The following LRBA variants were observed in gnomAD, a reference collection of about 807,000 sequenced individuals.
LRBA encodes LPS responsive beige-like anchor protein.
In LRBA, 176 loss-of-function variants were observed where a neutral mutation model predicts 330.0. The observed-to-expected ratio is 0.53, with a 90% CI of 0.47 to 0.60. The LOEUF is 0.60. Ranked by LOEUF, LRBA falls within the 20% of genes least tolerant of loss-of-function variation. The pLI, the probability that LRBA is intolerant of heterozygous loss-of-function variation, is 0.00. For missense variants in LRBA, 3,259 were observed against 3,444.8 expected, an observed-to-expected ratio of 0.95 and a Z score of 1.35; for synonymous variants, 1,230 against 1,193.0, an observed-to-expected ratio of 1.03 and a Z score of -0.64.
At position 150,357,903 on chromosome 4, in the gene LRBA, T is replaced by C. The variant is rs76484917; in HGVS notation, c.7195-7744A>G. Reference sequence around the variant, plus strand: ...TAACAAATCTATATATGCTGAGCCATGTATTTGCTGCTAAGCTTTCTAGCA... The same window carrying C: ...TAACAAATCTATATATGCTGAGCCACGTATTTGCTGCTAAGCTTTCTAGCA... On this transcript the variant is annotated intron_variant, in intron 47 of 56. Coordinates refer to ENST00000651943, the MANE Select transcript of LRBA (RefSeq NM_001364905.1). Among the ~76,000 whole-genome samples, 615 of 152,258 alleles carry C rather than the reference T, an allele frequency of 4.0e-3. 3 individuals carry two copies. The highest frequency in any genetic ancestry group is 0.013 in the African/African-American group (552 of 41,570).
chr4:150,839,366 G>A (rs1433554969), intron 28 of LRBA, among the ~76,000 whole-genome samples: 3 of 152,092 alleles, frequency 2.0e-5, no homozygotes, highest in East Asian at 1.9e-4. Context: ...ATACCATTTG[G>A]CCCAGCCATC....
At chr4:150,516,136 A>C (rs1427971109) in intron 40 of LRBA, among the ~76,000 whole-genome samples, 3 of 151,824 alleles carry the variant, frequency 2.0e-5, no homozygotes, top group African/African-American at 7.2e-5. Context: ...TTCTACCTTA[A>C]ACAATATGCA....
At chr4:150,355,597 C>T (rs972553067) in intron 47 of LRBA, among the ~76,000 whole-genome samples, 1 of 152,050 alleles carries the variant, frequency 6.6e-6, no homozygotes, top group Non-Finnish European at 1.5e-5. Flanking sequence ...ACTACTTCCA[C>T]TCCCAGGCTT....
chr4:150,652,550 A>C (rs1485266154), intron 37 of LRBA, among the ~76,000 whole-genome samples: 1 of 152,178 alleles, frequency 6.6e-6, no homozygotes, highest in Non-Finnish European at 1.5e-5. Context: ...TCACATATAC[A>C]TTTTAAAGTT....
intron 48 of LRBA, among the ~76,000 whole-genome samples, chr4:150,342,378 C>T (rs1036993891): frequency 6.6e-6 from 1 of 151,758 alleles, no homozygotes; most frequent in Non-Finnish European, 1.5e-5. Context: ...TGCCAAAATA[C>T]AGAGAAATAA....
chr4:150,477,351 G>A (rs945391715), intron 42 of LRBA, among the ~76,000 whole-genome samples: 4 of 152,122 alleles, frequency 2.6e-5, no homozygotes, highest in African/African-American at 9.7e-5. Flanking sequence ...AAGAAAAGAA[G>A]TTTAATTGAC....
chr4:150,720,886 G>A, intron 36 of LRBA: 1 of 329,536 alleles, frequency 3.0e-6, no homozygotes, highest in East Asian at 8.5e-5. Flanking sequence ...TCCTCTGAAA[G>A]CAACATTCAA....
chr4:150,445,436 T>C (rs1752511070), intron 44 of LRBA, among the ~76,000 whole-genome samples: 1 of 148,332 alleles, frequency 6.7e-6, no homozygotes, highest in African/African-American at 2.5e-5. Flanking sequence ...CACATATATA[T>C]ATGTTGTTTT....
intron 28 of LRBA, among the ~76,000 whole-genome samples, chr4:150,833,648 T>C (rs763528998): frequency 3.3e-5 from 5 of 152,240 alleles, no homozygotes; most frequent in Non-Finnish European, 5.9e-5. Context: ...AACAATTATC[T>C]GAACTTTCAG....
intron 40 of LRBA, among the ~76,000 whole-genome samples, chr4:150,532,380 T>G (rs946088781): frequency 3.3e-5 from 5 of 152,152 alleles, no homozygotes; most frequent in African/African-American, 1.2e-4. Flanking sequence ...CAACTAAAAT[T>G]AAGTGTTTCT....
intron 31 of LRBA, among the ~76,000 whole-genome samples, chr4:150,814,169 G>A (rs547813124): frequency 1.3e-5 from 2 of 152,036 alleles, no homozygotes; most frequent in Admixed American, 6.6e-5. Context: ...TGTTAAGATG[G>A]AACCATCTAT....
chr4:150,716,259 C>A (rs1435165628), intron 36 of LRBA, among the ~76,000 whole-genome samples: 2 of 152,068 alleles, frequency 1.3e-5, no homozygotes, highest in East Asian at 3.9e-4. Context: ...CCAACCTGGC[C>A]AAGATGGTGA....
chr4:150,632,894 T>A (rs1223449015), intron 37 of LRBA, among the ~76,000 whole-genome samples: 1 of 152,240 alleles, frequency 6.6e-6, no homozygotes, highest in African/African-American at 2.4e-5. Flanking sequence ...GTAGTTTTTA[T>A]ACCTAATCAT....
chr4:150,919,098 C>G (rs1732960865), intron 5 of LRBA, among the ~76,000 whole-genome samples: 1 of 152,174 alleles, frequency 6.6e-6, no homozygotes, highest in Non-Finnish European at 1.5e-5. Flanking sequence ...CTGATACATG[C>G]TGTACCATGG....
chr4:150,280,644 G>C (rs767586839), intron 55 of LRBA, among the ~76,000 whole-genome samples: 13 of 152,168 alleles, frequency 8.5e-5, no homozygotes, highest in Non-Finnish European at 1.8e-4. Context: ...CTGCCTGCAG[G>C]GTTCTTGGTA....
rs372601878 is a variant in LRBA at position 150,401,323 on chromosome 4, A to T, written c.7194+14115T>A. 7.5e-4 allele frequency among the ~76,000 whole-genome samples: 115 copies of T among 152,358 alleles called. 3 individuals carry two copies. In the South Asian group the frequency reaches 0.024, roughly 31 times the overall value. ...GTGGGACAGTAATTATTCACTTAAC[A>T]TTGTCAACAGGTTCTTGGAAACTGT... On this transcript the variant is annotated intron_variant, in intron 47 of 56. Coordinates refer to ENST00000651943, the MANE Select transcript of LRBA (RefSeq NM_001364905.1).
intron 36 of LRBA, among the ~76,000 whole-genome samples, chr4:150,726,879 G>A (rs966384626): frequency 6.6e-5 from 10 of 151,300 alleles, no homozygotes; most frequent in African/African-American, 2.2e-4. Flanking sequence ...AAATATATAA[G>A]GAAAATATTA....
rs528562669 is a variant in LRBA at position 150,432,559 on chromosome 4, G to A, written c.7041+3030C>T. Among the ~76,000 whole-genome samples the A allele has an allele frequency of 1.5e-3, 209 of 139,546 alleles. 1 individual carries two copies. The highest frequency in any genetic ancestry group is 9.9e-3 in the South Asian group (41 of 4,162). 91.5% of individuals were successfully genotyped at this position (139,546 alleles called of 152,430 possible). A position where few individuals can be genotyped will look rare whatever the true frequency, so the allele number is the denominator to read the frequency against. On this transcript the variant is annotated intron_variant, in intron 46 of 56. Coordinates refer to ENST00000651943, the MANE Select transcript of LRBA (RefSeq NM_001364905.1). ...TGCAAGCTCCGCCTCCTGGGTTCACGCCATTCTCCTGCCTCAGCCTCCCGA... is the reference window on the plus strand; with the variant it reads ...TGCAAGCTCCGCCTCCTGGGTTCACACCATTCTCCTGCCTCAGCCTCCCGA...
chr4:150,914,065 G>A (rs779549270), intron 9 of LRBA, 130 bp downstream of exon 9: 60 of 639,138 alleles, frequency 9.4e-5, no homozygotes, highest in Non-Finnish European at 1.4e-4. Flanking sequence ...TCACCCTGCT[G>A]TGGTATCAAA....
Sources: allele counts gnomAD v4.1 joint callset (sites outside exome capture counted in the v4.1 genomes callset), GRCh38; gene constraint gnomAD v4.1.1; transcripts MANE v1.5; gene names NCBI Gene and HGNC (gene_info 2026-07-23, HGNC 2026-07-21).